Variants in NWD2 observed in about 807,000 individuals in gnomAD.
NWD2 encodes the protein NACHT and WD repeat domain containing 2, also known as NACHT and WD repeat domain-containing protein 2.
In NWD2, 37 loss-of-function variants were observed where a neutral mutation model predicts 132.7. The ratio of observed to expected loss-of-function variants is 0.28; its 90% CI spans 0.21 to 0.37. The LOEUF (loss-of-function observed/expected upper bound fraction) is 0.37. Among genes scored for constraint, NWD2 ranks in the 10% least tolerant of loss-of-function variants. The pLI, the probability that NWD2 is intolerant of heterozygous loss-of-function variation, is 1.00. For synonymous variants in NWD2, 705 were observed against 803.0 expected, an observed-to-expected ratio of 0.88 and a Z score of 2.06; for missense variants, 1,592 against 2,122.4, an observed-to-expected ratio of 0.75 and a Z score of 4.91.
intron 1 of NWD2, among the ~76,000 whole-genome samples, chr4:37,250,043 T>C (rs537553357): frequency 1.3e-5 from 2 of 152,334 alleles, no homozygotes; most frequent in African/African-American, 4.8e-5. Flanking sequence ...CCTATCAGTA[T>C]TCTTCATCAT....
At chr4:37,315,853 G>T (rs926215691) in intron 1 of NWD2, among the ~76,000 whole-genome samples, 3 of 151,654 alleles carry the variant, frequency 2.0e-5, no homozygotes, top group African/African-American at 4.8e-5. Context: ...TTCTTACTTG[G>T]TGCTCTGAGG....
At chr4:37,430,425 CT>C in intron 3 of NWD2, 146 bp from the exon 4 acceptor site, 1 of 630,550 alleles carries the variant, frequency 1.6e-6, no homozygotes, top group Non-Finnish European at 2.8e-6. Flanking sequence ...AGGAAATCAA[CT>C]ATCCACTGTG....
At chr4:37,251,819 G>A (rs1014677432) in intron 1 of NWD2, among the ~76,000 whole-genome samples, 2 of 152,186 alleles carry the variant, frequency 1.3e-5, no homozygotes, top group African/African-American at 2.4e-5. Flanking sequence ...ATAGTATCTA[G>A]CCAGGGGGAA....
chr4:37,318,006 T>C (rs572417386), intron 1 of NWD2, among the ~76,000 whole-genome samples: 1 of 131,918 alleles, frequency 7.6e-6, no homozygotes, highest in Non-Finnish European at 1.5e-5. Flanking sequence ...TAATTTCTTT[T>C]TTCTTTTTTC....
chr4:37,401,255 C>T (rs1720889673), intron 3 of NWD2, among the ~76,000 whole-genome samples: 1 of 152,122 alleles, frequency 6.6e-6, no homozygotes, highest in Non-Finnish European at 1.5e-5. Context: ...CCATGAGCCC[C>T]CTGGGTGTGC....
In NWD2 at chr4:37,443,226, T is replaced by C; in HGVS notation, c.1297-59T>C. On this transcript the variant is annotated intron_variant, in intron 6 of 6. Coordinates refer to ENST00000309447, the MANE Select transcript of NWD2 (RefSeq NM_001144990.2). The surrounding 1 kb of genome is among the most constrained non-coding windows in gnomAD (Gnocchi z 4.1). Reference sequence around the variant, plus strand: ...TCTGAGCTCTGGAGAGAGGCAATGTTATCACATATGACCATGTGAATACAT... The same window carrying C: ...TCTGAGCTCTGGAGAGAGGCAATGTCATCACATATGACCATGTGAATACAT... 7.4e-7 allele frequency: 1 copy of C among 1,356,264 alleles called. No individual in the cohort carries two copies. The highest frequency in any genetic ancestry group is 1.0e-6 in the Non-Finnish European group (1 of 993,044). 84.0% of individuals were successfully genotyped at this position (1,356,264 alleles called of 1,614,324 possible). A position where few individuals can be genotyped will look rare whatever the true frequency, so the allele number is the denominator to read the frequency against.
intron 2 of NWD2, among the ~76,000 whole-genome samples, chr4:37,332,281 TC>T (rs1216183073): frequency 6.6e-6 from 1 of 152,134 alleles, no homozygotes; most frequent in Admixed American, 6.5e-5. Flanking sequence ...AGACACTCCT[TC>T]CTTCCACTTG....
intron 3 of NWD2, among the ~76,000 whole-genome samples, chr4:37,367,290 A>T (rs1174124194): frequency 6.6e-6 from 1 of 152,194 alleles, no homozygotes; most frequent in Non-Finnish European, 1.5e-5. Flanking sequence ...CTGCACTAAC[A>T]TGAAAACTGT....
intron 3 of NWD2, among the ~76,000 whole-genome samples, chr4:37,366,837 A>G (rs1484258444): frequency 6.6e-6 from 1 of 152,196 alleles, no homozygotes; most frequent in East Asian, 1.9e-4. Context: ...GCTTCAAAAT[A>G]TAAAAATCTT....
At chr4:37,267,880 C>T (rs1176795642) in intron 1 of NWD2, among the ~76,000 whole-genome samples, 2 of 151,870 alleles carry the variant, frequency 1.3e-5, no homozygotes, top group African/African-American at 4.8e-5. Context: ...ACGATTATAA[C>T]TCTGAAAGCC....
intron 1 of NWD2, among the ~76,000 whole-genome samples, chr4:37,276,930 A>G (rs1284182293): frequency 6.6e-6 from 1 of 152,076 alleles, no homozygotes; most frequent in Non-Finnish European, 1.5e-5. Context: ...TGGGAATTGA[A>G]CAATGAGAAC....
At chr4:37,362,364 AG>A (rs1356838725) in intron 3 of NWD2, among the ~76,000 whole-genome samples, 1 of 152,148 alleles carries the variant, frequency 6.6e-6, no homozygotes. Context: ...GCCAAAACAA[AG>A]CTAACCAAAA....
chr4:37,398,029 T>G (rs1412550689), intron 3 of NWD2, among the ~76,000 whole-genome samples: 1 of 152,204 alleles, frequency 6.6e-6, no homozygotes, highest in African/African-American at 2.4e-5. Flanking sequence ...CTGAGTGAGT[T>G]GCACAGTTTC....
intron 1 of NWD2, among the ~76,000 whole-genome samples, chr4:37,265,506 G>A (rs890217135): frequency 6.6e-6 from 1 of 152,090 alleles, no homozygotes; most frequent in Non-Finnish European, 1.5e-5. Context: ...TGACAAGTCT[G>A]CATTCTCTCT....
chr4:37,395,780 CA>C (rs1165098487), intron 3 of NWD2, among the ~76,000 whole-genome samples: 2 of 150,996 alleles, frequency 1.3e-5, no homozygotes, highest in East Asian at 4.0e-4. Flanking sequence ...AAATAGAAGA[CA>C]AGGAGCAAAA....
In NWD2 at chr4:37,379,871, T is replaced by G. The variant is rs142907179; in HGVS notation, c.357+23389T>G. Among the ~76,000 whole-genome samples, 1,453 of 152,264 alleles carry G rather than the reference T, an allele frequency of 9.5e-3. 26 individuals carry two copies. The highest frequency in any genetic ancestry group is 0.033 in the African/African-American group (1,375 of 41,552). On this transcript the variant is annotated intron_variant, in intron 3 of 6. Transcript: ENST00000309447. ...AGAGGCCCTAAATGGCTCCATAGAA[T>G]ACAACTGGAAGCCCACTGCTTTACC... is the stretch of plus-strand genomic sequence containing the variant.
chr4:37,245,223 G>T lies in NWD2; in HGVS notation c.151+5G>T. ...TCATCAGCGCCAACCCTGAAGGTAC[G>T]TCCCTCGCTCGGGTTTGCCCGTCCG... is the stretch of plus-strand genomic sequence containing the variant. On this transcript the variant is annotated splice_donor_5th_base_variant and intron_variant, in intron 1 of 6. Transcript: ENST00000309447. The T allele has an allele frequency of 6.5e-7, 1 of 1,533,914 alleles. No individual in the cohort carries two copies. The highest frequency in any genetic ancestry group is 8.7e-7 in the Non-Finnish European group (1 of 1,142,922).
At chr4:37,270,093 C>T (rs979198317) in intron 1 of NWD2, among the ~76,000 whole-genome samples, 3 of 151,564 alleles carry the variant, frequency 2.0e-5, no homozygotes, top group African/African-American at 7.3e-5. Context: ...TCTTTTTGTT[C>T]TTATTTGCTG....
intron 3 of NWD2, among the ~76,000 whole-genome samples, chr4:37,423,326 C>T (rs1577698674): frequency 6.6e-6 from 1 of 152,072 alleles, no homozygotes; most frequent in African/African-American, 2.4e-5. Context: ...TTATCATTTT[C>T]CCATCTCCCC....
Sources: allele counts gnomAD v4.1 joint callset (sites outside exome capture counted in the v4.1 genomes callset), GRCh38; gene constraint gnomAD v4.1.1; non-coding constraint Gnocchi (gnomAD v3.1); transcripts MANE v1.5; gene names NCBI Gene and HGNC (gene_info 2026-07-23, HGNC 2026-07-21).